GBE1: variants seen among roughly 807,000 people sequenced by gnomAD.
GBE1 encodes the protein 1,4-alpha-glucan branching enzyme 1, also known as 1,4-alpha-glucan-branching enzyme.
GBE1 carries 70 observed loss-of-function variants against 88.8 expected under a neutral mutation model. The observed-to-expected ratio is 0.79, with a 90% CI of 0.65 to 0.96. GBE1 has a LOEUF of 0.96. Among genes scored for constraint, GBE1 ranks in the 40% least tolerant of loss-of-function variants. GBE1 has a pLI of 0.00. For missense variants in GBE1, 872 were observed against 871.0 expected (o/e 1.00, Z -0.01); for synonymous variants, 284 against 300.1 (o/e 0.95, Z 0.56).
In GBE1 at chr3:81,649,889, C is replaced by A. The variant is rs901387655; in HGVS notation, c.462G>T (p.Leu154Phe). ...VVITSKSGEILYRISPWAKYV... is the reference protein window; with the variant it reads ...VVITSKSGEIFYRISPWAKYV... ...ACTTTGCCCACGGTGAAATACGATA[C>A]AAGATCTCTCCGCTTTTACTAGTAA... Residue 154 changes from leucine to phenylalanine, a missense_variant, in exon 4 of 16, where the codon TTG becomes TTT. Coordinates refer to ENST00000429644, the MANE Select transcript of GBE1 (RefSeq NM_000158.4). The A allele has an allele frequency of 1.9e-6, 3 of 1,609,480 alleles. No individual in the cohort carries two copies. In the African/African-American group the frequency reaches 4.0e-5, roughly 22 times the overall value.
At chr3:81,558,298 C>A (rs949659571) in intron 12 of GBE1, among the ~76,000 whole-genome samples, 2 of 151,962 alleles carry the variant, frequency 1.3e-5, no homozygotes, top group African/African-American at 4.8e-5. Context: ...CCAATGCTTA[C>A]TGCTGATATT....
chr3:81,513,944 T>C (rs1214776755), intron 14 of GBE1, among the ~76,000 whole-genome samples: 1 of 151,650 alleles, frequency 6.6e-6, no homozygotes, highest in East Asian at 1.9e-4. Context: ...CTAACCACTA[T>C]CCTTGCAATG....
At chr3:81,570,953 T>A (rs1703565710) in intron 12 of GBE1, among the ~76,000 whole-genome samples, 1 of 152,186 alleles carries the variant, frequency 6.6e-6, no homozygotes, top group Admixed American at 6.5e-5. Context: ...TAAAAGATAA[T>A]GATAACATGA....
chr3:81,523,080 T>C (rs1010226516), intron 14 of GBE1, among the ~76,000 whole-genome samples: 9 of 151,454 alleles, frequency 5.9e-5, no homozygotes, highest in Middle Eastern at 3.4e-3. Flanking sequence ...TCATATACAG[T>C]GTAATTCTGT....
At chr3:81,712,799 A>AAAATAAATAAAT (rs377738556) in intron 1 of GBE1, among the ~76,000 whole-genome samples, 5 of 149,274 alleles carry the variant, frequency 3.3e-5, no homozygotes, top group African/African-American at 1.3e-4. Flanking sequence ...AAGTATAATA[A>AAAATAAATAAAT]AAATAAATAA....
At chr3:81,721,125 G>A (rs1438578637) in intron 1 of GBE1, among the ~76,000 whole-genome samples, 65 of 103,720 alleles carry the variant, frequency 6.3e-4, no homozygotes, top group South Asian at 5.8e-3. Flanking sequence ...TGGGTGCAGC[G>A]CACCAGCATG....
chr3:81,698,567 A>AT (rs1433795217), intron 2 of GBE1, among the ~76,000 whole-genome samples: 1 of 152,190 alleles, frequency 6.6e-6, no homozygotes, highest in African/African-American at 2.4e-5. Context: ...CCTTACTGAG[A>AT]TTTTCCCAAT....
intron 1 of GBE1, among the ~76,000 whole-genome samples, chr3:81,707,512 G>A (rs1705794372): frequency 6.6e-6 from 1 of 151,816 alleles, no homozygotes; most frequent in African/African-American, 2.4e-5. Context: ...TCTAAGAACT[G>A]ACTCCTTAAA....
intron 2 of GBE1, among the ~76,000 whole-genome samples, chr3:81,700,118 C>T (rs1304029884): frequency 1.3e-5 from 2 of 152,142 alleles, no homozygotes; most frequent in African/African-American, 2.4e-5. Context: ...CAGCTGACCA[C>T]TACAGCGAAA....
chr3:81,701,341 T>C (rs994023860), intron 2 of GBE1, among the ~76,000 whole-genome samples: 1 of 152,068 alleles, frequency 6.6e-6, no homozygotes, highest in Non-Finnish European at 1.5e-5. Context: ...AAGAAAAATA[T>C]AAGTACTATA....
intron 1 of GBE1, among the ~76,000 whole-genome samples, chr3:81,707,999 A>G (rs1705802576): frequency 6.6e-6 from 1 of 152,024 alleles, no homozygotes; most frequent in Non-Finnish European, 1.5e-5. Flanking sequence ...ATCACGTATA[A>G]CAAATAACTA....
intron 1 of GBE1, among the ~76,000 whole-genome samples, chr3:81,748,371 G>C (rs531217997): frequency 4.6e-5 from 7 of 152,248 alleles, no homozygotes; most frequent in African/African-American, 1.7e-4. Flanking sequence ...CAGCACTTTG[G>C]AAGGCCGAGG....
At chr3:81,494,927 G>C (rs1400701532) in intron 15 of GBE1, among the ~76,000 whole-genome samples, 1 of 151,974 alleles carries the variant, frequency 6.6e-6, no homozygotes, top group Admixed American at 6.6e-5. Flanking sequence ...TAATTGACTT[G>C]CAAAATTTAA....
At chr3:81,639,243 GT>G (rs1397570102) in intron 7 of GBE1, among the ~76,000 whole-genome samples, 1 of 151,910 alleles carries the variant, frequency 6.6e-6, no homozygotes, top group East Asian at 1.9e-4. Flanking sequence ...ATACAAGTAT[GT>G]TGTTCACATT....
At chr3:81,740,380 T>TC (rs533453652) in intron 1 of GBE1, among the ~76,000 whole-genome samples, 1 of 148,800 alleles carries the variant, frequency 6.7e-6, no homozygotes, top group Non-Finnish European at 1.5e-5. Flanking sequence ...GATCTCTCTC[T>TC]TTTTTTTTTA....
At chr3:81,596,743 T>C (rs1044132697) in intron 7 of GBE1, among the ~76,000 whole-genome samples, 27 of 151,926 alleles carry the variant, frequency 1.8e-4, no homozygotes, top group Non-Finnish European at 1.9e-4. Context: ...ACATTAAAGA[T>C]CCAAGTATGT....
chr3:81,743,522 C>T lies in GBE1; in HGVS notation c.143+17853G>A. 3.5e-6 allele frequency: 5 copies of T among 1,423,720 alleles called. No homozygotes were observed. In the East Asian group the frequency reaches 7.5e-5, roughly 21 times the overall value. 88.2% of individuals were successfully genotyped at this position (1,423,720 alleles called of 1,614,324 possible). ...AACCCCCCTCTCTTACAGGCAAAGA[C>T]CAACTCAAAAATAATGCAAGTCATA... On this transcript the variant is annotated intron_variant, in intron 1 of 15. Transcript: ENST00000429644.
At chr3:81,581,331 T>C (rs958774860) in intron 10 of GBE1, 56 bp from the exon 11 acceptor site, 1 of 980,294 alleles carries the variant, frequency 1.0e-6, no homozygotes, top group Non-Finnish European at 1.5e-6. Flanking sequence ...TTCTTATTTT[T>C]AAATCACAAT....
chr3:81,750,561 A>ATATG (rs1266223775), intron 1 of GBE1, among the ~76,000 whole-genome samples: 45 of 81,978 alleles, frequency 5.5e-4, no homozygotes, highest in African/African-American at 2.7e-3. Flanking sequence ...GTATATATAT[A>ATATG]TGTATATATA....
Sources: gnomAD v4.1 joint callset for allele counts (sites outside exome capture counted in the v4.1 genomes callset) on GRCh38, gnomAD v4.1.1 for gene constraint, MANE v1.5 for transcripts, NCBI Gene and HGNC (gene_info 2026-07-23, HGNC 2026-07-21) for gene names.